AKAP12: variants seen among roughly 807,000 people sequenced by gnomAD.
AKAP12 encodes A-kinase anchor protein 12.
Under a neutral mutation model 79.9 loss-of-function variants are expected in AKAP12, and 32 were observed. The ratio of observed to expected loss-of-function variants is 0.40; its 90% CI spans 0.30 to 0.54. The LOEUF (loss-of-function observed/expected upper bound fraction) is 0.54, where lower values mean the gene tolerates loss of function less well. Among genes scored for constraint, AKAP12 ranks in the 20% least tolerant of loss-of-function variants. AKAP12 has a pLI of 0.48. For missense variants in AKAP12, 2,074 were observed against 2,177.0 expected, an observed-to-expected ratio of 0.95 and a Z score of 0.94; for synonymous variants, 808 against 857.0, an observed-to-expected ratio of 0.94 and a Z score of 1.00.
intron 2 of AKAP12, among the ~76,000 whole-genome samples, chr6:151,301,619 A>G (rs1489738806): frequency 6.6e-6 from 1 of 152,176 alleles, no homozygotes; most frequent in Non-Finnish European, 1.5e-5. Flanking sequence ...AAAAGTGTGG[A>G]CATGTCTGAA....
intron 3 of AKAP12, among the ~76,000 whole-genome samples, chr6:151,320,885 A>G (rs868009264): frequency 2.0e-5 from 3 of 152,166 alleles, no homozygotes; most frequent in South Asian, 2.1e-4. Context: ...TTCACATACT[A>G]TGCAGTTGAC....
At chr6:151,273,629 TG>T (rs1199822806) in intron 2 of AKAP12, among the ~76,000 whole-genome samples, 1 of 152,222 alleles carries the variant, frequency 6.6e-6, no homozygotes, top group Non-Finnish European at 1.5e-5. Flanking sequence ...CCAACTTTTA[TG>T]TCAAACTTAA....
chr6:151,253,518 A>G (rs2114687849), intron 2 of AKAP12, among the ~76,000 whole-genome samples: 1 of 152,114 alleles, frequency 6.6e-6, no homozygotes, highest in East Asian at 1.9e-4. Flanking sequence ...GAGCCACTGC[A>G]CCCGGCCAAA....
intron 2 of AKAP12, among the ~76,000 whole-genome samples, chr6:151,259,786 A>C (rs1005436925): frequency 4.6e-5 from 7 of 151,818 alleles, no homozygotes; most frequent in Non-Finnish European, 1.0e-4. Flanking sequence ...CATGTTGCCC[A>C]GGCTGGTCTT....
intron 3 of AKAP12, chr6:151,325,673 T>C (rs1777504736): frequency 7.0e-7 from 1 of 1,422,268 alleles, no homozygotes; most frequent in African/African-American, 1.4e-5. Flanking sequence ...GCATCCGCGC[T>C]CTGCTTTTCG....
intron 2 of AKAP12, among the ~76,000 whole-genome samples, chr6:151,295,166 T>G (rs1225330267): frequency 1.3e-5 from 2 of 152,332 alleles, no homozygotes; most frequent in East Asian, 3.9e-4. Flanking sequence ...ACAACATTCC[T>G]GATAAAATGA....
chr6:151,350,253 A>T lies in AKAP12; in HGVS notation c.1862A>T (p.Lys621Met). 1 of 1,614,052 alleles carries T rather than the reference A, an allele frequency of 6.2e-7. No homozygotes were observed. The highest frequency in any genetic ancestry group is 8.5e-7 in the Non-Finnish European group (1 of 1,180,020). ...TTCAAAAAGATGGTGACGCCCAAGA[A>T]GCGTGTTAGACGGCCTTCGGAAAGT... ...ASFKKMVTPK[K>M]RVRRPSESDK... The change falls in exon 4 of 5, where the codon AAG becomes ATG. Residue 621 changes from lysine (K) to methionine (M), a missense_variant. This residue lies in a region of AKAP12 where 1,428 missense variants were observed against 1,451.0 expected (regional missense o/e 0.98). Coordinates refer to ENST00000402676, the MANE Select transcript of AKAP12 (RefSeq NM_005100.4). The surrounding 1 kb of genome is among the most constrained non-coding windows in gnomAD (Gnocchi z 4.8).
At chr6:151,334,334 C>T (rs1025402473) in intron 3 of AKAP12, among the ~76,000 whole-genome samples, 3 of 152,134 alleles carry the variant, frequency 2.0e-5, no homozygotes, top group Non-Finnish European at 2.9e-5. Flanking sequence ...TGGCTCACGC[C>T]TGTAATCCCA....
At chr6:151,250,483 G>A (rs1797152523) in intron 2 of AKAP12, among the ~76,000 whole-genome samples, 1 of 151,660 alleles carries the variant, frequency 6.6e-6, no homozygotes, top group African/African-American at 2.4e-5. Flanking sequence ...CTGGGTGACA[G>A]AGTGAGACTC....
chr6:151,356,682 T>G lies in AKAP12; in HGVS notation c.*968T>G, dbSNP rs1330186260. 1 of 152,270 alleles carries G rather than the reference T, an allele frequency of 6.6e-6. No individual in the cohort carries two copies. The highest frequency in any genetic ancestry group is 1.5e-5 in the Non-Finnish European group (1 of 68,046). 9.4% of individuals were successfully genotyped at this position (152,270 alleles called of 1,614,324 possible). A position where few individuals can be genotyped will look rare whatever the true frequency, so the allele number is the denominator to read the frequency against. On this transcript the variant is annotated 3_prime_UTR_variant, in exon 5 of 5. Transcript: ENST00000402676. ...ATACTGGATTGTGTTTGTGCCATAT[T>G]TGTGCCATTCTTTTAAGAACAATGT...
At chr6:151,316,495 T>A (rs1001486503) in intron 3 of AKAP12, among the ~76,000 whole-genome samples, 1 of 152,204 alleles carries the variant, frequency 6.6e-6, no homozygotes, top group Admixed American at 6.5e-5. Context: ...AGGTCCGAGA[T>A]CTTGGTGTTG....
intron 3 of AKAP12, among the ~76,000 whole-genome samples, chr6:151,307,536 T>A (rs1777001250): frequency 1.3e-5 from 2 of 152,190 alleles, no homozygotes; most frequent in African/African-American, 4.8e-5. Flanking sequence ...AGGCTTCTTG[T>A]CTGACTTAGG....
chr6:151,302,096 C>T (rs905631275), intron 2 of AKAP12, among the ~76,000 whole-genome samples: 11 of 151,526 alleles, frequency 7.3e-5, no homozygotes, highest in African/African-American at 1.9e-4. Context: ...CTGCAACCTC[C>T]GCCTCCCAGG....
intron 2 of AKAP12, among the ~76,000 whole-genome samples, chr6:151,277,580 GA>G (rs1776310208): frequency 6.6e-6 from 1 of 152,164 alleles, no homozygotes; most frequent in South Asian, 2.1e-4. Flanking sequence ...GATATTTATT[GA>G]ATGAGTTAAC....
At position 151,352,386 on chromosome 6, in the gene AKAP12, C is replaced by T. The variant is rs199557720; in HGVS notation, c.3995C>T (p.Pro1332Leu). 2.0e-3 allele frequency: 3,241 copies of T among 1,614,132 alleles called. 70 individuals carry two copies. In the South Asian group the frequency reaches 0.033, roughly 17 times the overall value. ...AGTCACGCTAAGTCTCCTCCATCCC[C>T]CGTGGAGAGAGAGATGGTAGTTCAA... ...LQSHAKSPPSPVEREMVVQVE... is the reference protein window; with the variant it reads ...LQSHAKSPPSLVEREMVVQVE... The change falls in exon 4 of 5, where the codon CCC becomes CTC. Residue 1332 changes from proline (P) to leucine (L), a missense_variant. Pro to Leu is a moderately conservative substitution (Grantham distance 98). Transcript: ENST00000402676.
At chr6:151,297,163 GC>G (rs2114744089) in intron 2 of AKAP12, among the ~76,000 whole-genome samples, 1 of 151,820 alleles carries the variant, frequency 6.6e-6, no homozygotes, top group East Asian at 2.0e-4. Flanking sequence ...TGATGGGTGG[GC>G]TCACTGATAC....
At chr6:151,339,022 C>T (rs1562746875) in intron 3 of AKAP12, among the ~76,000 whole-genome samples, 1 of 152,206 alleles carries the variant, frequency 6.6e-6, no homozygotes, top group East Asian at 1.9e-4. Flanking sequence ...GAATCACTAT[C>T]TGTGAGTGGG....
rs563149047 is a variant in AKAP12 at position 151,312,389 on chromosome 6, C to A, written c.319+6486C>A. Among the ~76,000 whole-genome samples the A allele has an allele frequency of 7.9e-5, 12 of 152,058 alleles. No homozygotes were observed. In the South Asian group the frequency reaches 2.5e-3, roughly 32 times the overall value. On this transcript the variant is annotated intron_variant, in intron 3 of 4. Transcript: ENST00000402676. ...TTGGGAGGCTAAGGTGGGAGGATCG[C>A]TTGACTTGAGCCCAGGAGTTTGAGG...
chr6:151,271,513 G>A (rs1776181049), intron 2 of AKAP12, among the ~76,000 whole-genome samples: 1 of 151,534 alleles, frequency 6.6e-6, no homozygotes, highest in African/African-American at 2.4e-5. Context: ...GTAGAGATGG[G>A]GTCTCACTAT....
Sources: gnomAD v4.1 joint callset for allele counts (sites outside exome capture counted in the v4.1 genomes callset) on GRCh38, gnomAD v4.1.1 for gene constraint, gnomAD v4.1.1 regional missense constraint, Gnocchi (gnomAD v3.1) non-coding constraint, MANE v1.5 for transcripts, NCBI Gene and HGNC (gene_info 2026-07-23, HGNC 2026-07-21) for gene names.